Variants in UNC5D observed in about 807,000 individuals in gnomAD.
UNC5D encodes unc-5 netrin receptor D.
A neutral mutation model predicts 105.4 loss-of-function variants in UNC5D; 39 were observed. The observed-to-expected ratio is 0.37, with a 90% confidence interval of 0.29 to 0.48. The LOEUF is 0.48. UNC5D is among the 20% of genes least tolerant of loss of function. UNC5D has a pLI of 0.98. For missense variants in UNC5D, 991 were observed against 1,202.4 expected (o/e 0.82, Z 2.60); for synonymous variants, 452 against 450.4 (o/e 1.00, Z -0.04).
intron 1 of UNC5D, among the ~76,000 whole-genome samples, chr8:35,455,337 G>A (rs999460141): frequency 6.6e-6 from 1 of 151,386 alleles, no homozygotes; most frequent in African/African-American, 2.4e-5. Flanking sequence ...GGGGTACAGT[G>A]GTGAAATCTC....
At chr8:35,607,706 G>T (rs1267085966) in intron 4 of UNC5D, among the ~76,000 whole-genome samples, 1 of 151,976 alleles carries the variant, frequency 6.6e-6, no homozygotes, top group Admixed American at 6.6e-5. Context: ...GCACATTTTT[G>T]TAAAGGGCTT....
chr8:35,329,917 A>G (rs1418097232), intron 1 of UNC5D, among the ~76,000 whole-genome samples: 1 of 152,200 alleles, frequency 6.6e-6, no homozygotes. Flanking sequence ...ATAATGGCTA[A>G]CATTGAATGA....
chr8:35,675,067 CTAATA>C (rs780387809), intron 4 of UNC5D, among the ~76,000 whole-genome samples: 2 of 152,054 alleles, frequency 1.3e-5, no homozygotes, highest in African/African-American at 2.4e-5. Context: ...ATTTATTACT[CTAATA>C]TAATTCACAA....
At chr8:35,629,047 T>C (rs1273295924) in intron 4 of UNC5D, among the ~76,000 whole-genome samples, 1 of 152,184 alleles carries the variant, frequency 6.6e-6, no homozygotes, top group African/African-American at 2.4e-5. Context: ...CAGTTTTATA[T>C]GCAGAGTTTC....
intron 1 of UNC5D, among the ~76,000 whole-genome samples, chr8:35,370,324 G>A (rs1585687214): frequency 1.3e-5 from 2 of 152,190 alleles, no homozygotes; most frequent in African/African-American, 4.8e-5. Context: ...TGTAGTAACA[G>A]ATGGATTTGA....
Position 35,329,400 on chromosome 8 carries a change from GAT to G in UNC5D, c.103+93540_103+93541del, listed in dbSNP as rs36221011. 8.8e-4 allele frequency among the ~76,000 whole-genome samples: 130 copies of G among 147,376 alleles called. 2 individuals are homozygous for G. Among genetic ancestry groups the G allele is most frequent in the African/African-American group, 2.9e-3 (117 of 40,102 alleles). On this transcript the variant is annotated intron_variant, in intron 1 of 16. Coordinates refer to ENST00000404895, the MANE Select transcript of UNC5D (RefSeq NM_080872.4). ...CCAATTTTCTGTTTTTTATTGGGTTGATATATATATATATATATATATATATA... is the reference window on the plus strand; with the variant it reads ...CCAATTTTCTGTTTTTTATTGGGTTGATATATATATATATATATATATATA...
chr8:35,621,181 A>C (rs1821340048), intron 4 of UNC5D, among the ~76,000 whole-genome samples: 1 of 152,174 alleles, frequency 6.6e-6, no homozygotes. Context: ...GAATCTCATT[A>C]AGATGCTCTC....
chr8:35,248,829 T>A (rs1248135761), intron 1 of UNC5D, among the ~76,000 whole-genome samples: 1 of 93,028 alleles, frequency 1.1e-5, no homozygotes, highest in Non-Finnish European at 1.8e-5. Context: ...ATAATATTTA[T>A]ATTTTAAAAA....
chr8:35,545,080 A>G (rs1175024496), intron 1 of UNC5D, among the ~76,000 whole-genome samples: 1 of 152,190 alleles, frequency 6.6e-6, no homozygotes, highest in Non-Finnish European at 1.5e-5. Flanking sequence ...TGGATCAGTC[A>G]CCAGCCATTT....
intron 4 of UNC5D, among the ~76,000 whole-genome samples, chr8:35,634,792 G>C (rs1822257247): frequency 6.7e-6 from 1 of 148,962 alleles, no homozygotes; most frequent in African/African-American, 2.5e-5. Context: ...TTGAGACGGA[G>C]TTTCACTCTT....
At chr8:35,305,699 C>T (rs1293288583) in intron 1 of UNC5D, among the ~76,000 whole-genome samples, 15 of 147,264 alleles carry the variant, frequency 1.0e-4, no homozygotes, top group African/African-American at 3.8e-4. Flanking sequence ...TTCTTCCTCC[C>T]TCCCTGCCTG....
intron 7 of UNC5D, among the ~76,000 whole-genome samples, chr8:35,692,605 ACTTGACTCAAT>A (rs1826484393): frequency 6.6e-6 from 1 of 152,210 alleles, no homozygotes; most frequent in Non-Finnish European, 1.5e-5. Flanking sequence ...CAGAAATCAT[ACTTGACTCAAT>A]CTAGACTTTT....
chr8:35,711,488 TTTTC>T (rs1156443304), intron 8 of UNC5D, among the ~76,000 whole-genome samples: 2 of 152,132 alleles, frequency 1.3e-5, no homozygotes, highest in African/African-American at 2.4e-5. Context: ...CCCAGCTTTC[TTTTC>T]TTTATTACCG....
At chr8:35,282,751 C>G (rs1432704691) in intron 1 of UNC5D, among the ~76,000 whole-genome samples, 1 of 147,750 alleles carries the variant, frequency 6.8e-6, no homozygotes, top group African/African-American at 2.5e-5. Context: ...ATCCTTCTTT[C>G]CTTTCCTTCT....
intron 2 of UNC5D, among the ~76,000 whole-genome samples, chr8:35,558,465 G>A (rs1816710473): frequency 6.6e-6 from 1 of 152,144 alleles, no homozygotes; most frequent in Non-Finnish European, 1.5e-5. Flanking sequence ...ATAAAAATGT[G>A]TTATTCAAAA....
intron 1 of UNC5D, among the ~76,000 whole-genome samples, chr8:35,435,545 A>G (rs953572572): frequency 3.3e-5 from 5 of 152,160 alleles, no homozygotes; most frequent in Non-Finnish European, 7.4e-5. Flanking sequence ...CAATAATCCA[A>G]TTGACTACAT....
Position 35,346,510 on chromosome 8 carries a change from G to A in UNC5D, c.103+110623G>A, listed in dbSNP as rs576085915. ...GGTTAATTGTCAAAAGAAAATGGAG[G>A]GGTAATATAGAAGACAGGAATTTTC... On this transcript the variant is annotated intron_variant, in intron 1 of 16. Transcript: ENST00000404895. Among the ~76,000 whole-genome samples, 3 of 151,912 alleles carry A rather than the reference G, an allele frequency of 2.0e-5. No homozygotes were observed. In the South Asian group the frequency reaches 6.2e-4, roughly 32 times the overall value.
chr8:35,496,374 C>T (rs1052229418), intron 1 of UNC5D, among the ~76,000 whole-genome samples: 2 of 152,062 alleles, frequency 1.3e-5, no homozygotes, highest in Non-Finnish European at 2.9e-5. Flanking sequence ...ATCTTTCTGG[C>T]TGTAGTATAG....
intron 1 of UNC5D, among the ~76,000 whole-genome samples, chr8:35,524,640 C>CAAAAAAAAAA (rs113548648): frequency 1.4e-5 from 1 of 71,128 alleles, no homozygotes; most frequent in Non-Finnish European, 2.9e-5. Flanking sequence ...ATGCCCTGTG[C>CAAAAAAAAAA]AAAAAAAAAA....
Sources: gnomAD v4.1 joint callset for allele counts (sites outside exome capture counted in the v4.1 genomes callset) on GRCh38, gnomAD v4.1.1 for gene constraint, MANE v1.5 for transcripts, NCBI Gene and HGNC (gene_info 2026-07-23, HGNC 2026-07-21) for gene names.